CNNM4: variants seen among roughly 807,000 people sequenced by gnomAD.
CNNM4 encodes the protein cyclin and CBS domain divalent metal cation transport mediator 4.
Under a neutral mutation model 53.7 loss-of-function variants are expected in CNNM4, and 32 were observed. The ratio of observed to expected loss-of-function variants is 0.60; its 90% confidence interval spans 0.45 to 0.80. The LOEUF (loss-of-function observed/expected upper bound fraction) is 0.80, where lower values mean the gene tolerates loss of function less well. CNNM4 is among the 30% of genes least tolerant of loss of function. CNNM4 has a pLI of 0.00. For missense variants in CNNM4, 784 were observed against 1,022.0 expected, an observed-to-expected ratio of 0.77 and a Z score of 3.17; for synonymous variants, 410 against 440.0, an observed-to-expected ratio of 0.93 and a Z score of 0.85.
chr2:96,798,602 G>A (rs2079127640), intron 3 of CNNM4, among the ~76,000 whole-genome samples: 1 of 152,050 alleles, frequency 6.6e-6, no homozygotes, highest in Non-Finnish European at 1.5e-5. Flanking sequence ...CTTGCTAAAG[G>A]GGTGGCAATT....
At chr2:96,771,926 A>C (rs1011096630) in intron 1 of CNNM4, among the ~76,000 whole-genome samples, 3 of 152,226 alleles carry the variant, frequency 2.0e-5, no homozygotes, top group African/African-American at 7.2e-5. Context: ...TACAGCTGCT[A>C]GTTTGTTTTG....
intron 1 of CNNM4, among the ~76,000 whole-genome samples, chr2:96,764,849 T>C (rs2078799410): frequency 6.6e-6 from 1 of 151,692 alleles, no homozygotes; most frequent in African/African-American, 2.4e-5. Context: ...TATCCAGCCG[T>C]GGTGGCACAT....
chr2:96,797,712 C>A lies in CNNM4; in HGVS notation c.1681+65C>A. On this transcript the variant is annotated intron_variant, in intron 3 of 6. Coordinates refer to ENST00000377075, the MANE Select transcript of CNNM4 (RefSeq NM_020184.4). This position sits in a 1 kb window ranked among gnomAD's most constrained non-coding sequence, Gnocchi z 6.0. Reference sequence around the variant, plus strand: ...GTCACGGGGGAGAAGTCCTGGGTTTCCGGCTGCTTTCCCCCCATAGGACGA... The same window carrying A: ...GTCACGGGGGAGAAGTCCTGGGTTTACGGCTGCTTTCCCCCCATAGGACGA... The A allele has an allele frequency of 6.2e-7, 1 of 1,600,344 alleles. No homozygotes were observed. The highest frequency in any genetic ancestry group is 8.5e-7 in the Non-Finnish European group (1 of 1,176,574).
At chr2:96,780,485 C>T (rs1436661482) in intron 1 of CNNM4, among the ~76,000 whole-genome samples, 1 of 150,148 alleles carries the variant, frequency 6.7e-6, no homozygotes, top group Non-Finnish European at 1.5e-5. Context: ...GTCTCAAACT[C>T]CTGACTTCAA....
chr2:96,764,090 A>G (rs1355701338), intron 1 of CNNM4, among the ~76,000 whole-genome samples: 3 of 148,992 alleles, frequency 2.0e-5, no homozygotes, highest in African/African-American at 7.5e-5. Context: ...GGTGTTTGGG[A>G]CTATGGTTTG....
At chr2:96,790,498 G>A (rs1474989807) in intron 1 of CNNM4, among the ~76,000 whole-genome samples, 1 of 151,844 alleles carries the variant, frequency 6.6e-6, no homozygotes, top group Non-Finnish European at 1.5e-5. Flanking sequence ...GGGATTACAA[G>A]CATGTGCCAC....
intron 5 of CNNM4, among the ~76,000 whole-genome samples, chr2:96,804,853 T>C (rs368259972): frequency 1.3e-5 from 2 of 151,918 alleles, no homozygotes; most frequent in Admixed American, 1.3e-4. Context: ...CTAATTTGTG[T>C]TGGTTTTAAA....
chr2:96,779,157 A>G (rs1574063753), intron 1 of CNNM4, among the ~76,000 whole-genome samples: 1 of 151,976 alleles, frequency 6.6e-6, no homozygotes, highest in Non-Finnish European at 1.5e-5. Flanking sequence ...ACGGGGTTTC[A>G]CCGTGTTAGC....
At chr2:96,778,077 G>A (rs2078941857) in intron 1 of CNNM4, among the ~76,000 whole-genome samples, 2 of 151,392 alleles carry the variant, frequency 1.3e-5, no homozygotes, top group African/African-American at 4.8e-5. Context: ...ATGTTGCCCA[G>A]GCTGGTCTTG....
chr2:96,801,205 TC>T lies in CNNM4; in HGVS notation c.1948+1561del. ...CCTGCACACTGCAGCTGCATTAACC[TC>T]CCCACATGGACCCGGACCCCCGCCT... On this transcript the variant is annotated intron_variant, in intron 5 of 6. Transcript: ENST00000377075. This position sits in a 1 kb window ranked among gnomAD's most constrained non-coding sequence, Gnocchi z 5.6. 1.2e-6 allele frequency: 1 copy of T among 835,790 alleles called. No homozygotes were observed. The highest frequency in any genetic ancestry group is 1.4e-6 in the Non-Finnish European group (1 of 693,266). The allele number at this position is 835,790 out of a possible 1,614,324, so 51.8% of individuals were successfully genotyped here. A position where few individuals can be genotyped will look rare whatever the true frequency, so the allele number is the denominator to read the frequency against.
intron 1 of CNNM4, among the ~76,000 whole-genome samples, chr2:96,772,914 A>G (rs1235932882): frequency 1.4e-5 from 2 of 143,202 alleles, no homozygotes; most frequent in African/African-American, 5.3e-5. Flanking sequence ...CCATGCACGC[A>G]CACACACACT....
At chr2:96,805,071 A>G (rs2079189594) in intron 5 of CNNM4, among the ~76,000 whole-genome samples, 1 of 152,120 alleles carries the variant, frequency 6.6e-6, no homozygotes, top group South Asian at 2.1e-4. Flanking sequence ...TCCTGTTTCT[A>G]GAGTGTTAGC....
At chr2:96,790,265 C>G (rs1001886721) in intron 1 of CNNM4, among the ~76,000 whole-genome samples, 4 of 151,930 alleles carry the variant, frequency 2.6e-5, no homozygotes, top group African/African-American at 4.8e-5. Context: ...CTCGGTCTCC[C>G]AAAGTGCTGA....
rs1396363741 is a variant in CNNM4, at chr2:96,806,523, A to ACG, written c.1949-2037_1949-2036insGC. ...AGCTATCCAACACACACACACACAC[A>ACG]CACACACACACACGCGCGCGCGCGC... On this transcript the variant is annotated intron_variant, in intron 5 of 6. Coordinates refer to ENST00000377075, the MANE Select transcript of CNNM4 (RefSeq NM_020184.4). 1.5e-4 allele frequency among the ~76,000 whole-genome samples: 21 copies of ACG among 141,464 alleles called. No individual in the cohort carries two copies. In the South Asian group the frequency reaches 1.7e-3, roughly 12 times the overall value. 92.8% of individuals were successfully genotyped at this position (141,464 alleles called of 152,430 possible). A position where few individuals can be genotyped will look rare whatever the true frequency, so the allele number is the denominator to read the frequency against.
chr2:96,791,588 C>CA (rs56887981), intron 1 of CNNM4, among the ~76,000 whole-genome samples: 2,655 of 119,930 alleles, frequency 0.022, 51 homozygotes, highest in East Asian at 0.059. Flanking sequence ...GACTCCGTCT[C>CA]AAAAAAAAAA....
At chr2:96,796,461 G>T (rs192630230) in intron 1 of CNNM4, among the ~76,000 whole-genome samples, 1 of 151,918 alleles carries the variant, frequency 6.6e-6, no homozygotes, top group East Asian at 1.9e-4. Context: ...ATTTTTATCC[G>T]ATTTAAACAA....
rs1342122966 is a variant in CNNM4 at position 96,800,309 on chromosome 2, C to T, written c.1948+661C>T. ...CCCGCAGGCCCAGGTCTCGCCAGCT[C>T]ATCTCCTCGCTCCTCTCCAGGCTTC... On this transcript the variant is annotated intron_variant, in intron 5 of 6. Coordinates refer to ENST00000377075, the MANE Select transcript of CNNM4 (RefSeq NM_020184.4). This position sits in a 1 kb window ranked among gnomAD's most constrained non-coding sequence, Gnocchi z 4.6. Among the ~76,000 whole-genome samples, 1 of 152,176 alleles carries T rather than the reference C, an allele frequency of 6.6e-6. No individual in the cohort carries two copies. Among genetic ancestry groups the T allele is most frequent in the East Asian group, 1.9e-4 (1 of 5,188 alleles).
At chr2:96,762,603 T>A (rs937984391) in intron 1 of CNNM4, among the ~76,000 whole-genome samples, 3 of 152,278 alleles carry the variant, frequency 2.0e-5, no homozygotes, top group Middle Eastern at 3.4e-3. Context: ...TAGTGTGCTG[T>A]GTGCTCCTGA....
At position 96,808,245 on chromosome 2, in the gene CNNM4, T is replaced by C. The variant is rs1451393517; in HGVS notation, c.1949-316T>C. 6.6e-6 allele frequency among the ~76,000 whole-genome samples: 1 copy of C among 152,174 alleles called. No individual in the cohort carries two copies. The highest frequency in any genetic ancestry group is 1.5e-5 in the Non-Finnish European group (1 of 68,024). ...GATCATTGTGTTGCCCTTGACTGAT[T>C]GGTTGTTGTGGGAAACGAGAGATTT... On this transcript the variant is annotated intron_variant, in intron 5 of 6. Transcript: ENST00000377075. This position sits in a 1 kb window ranked among gnomAD's most constrained non-coding sequence, Gnocchi z 4.9.
Sources: gnomAD v4.1 joint callset for allele counts (sites outside exome capture counted in the v4.1 genomes callset) on GRCh38, gnomAD v4.1.1 for gene constraint, Gnocchi (gnomAD v3.1) non-coding constraint, MANE v1.5 for transcripts, NCBI Gene and HGNC (gene_info 2026-07-23, HGNC 2026-07-21) for gene names.